Variants in GABBR2 observed in about 807,000 individuals in gnomAD.
The protein encoded by GABBR2 is gamma-aminobutyric acid type B receptor subunit 2.
Under a neutral mutation model 105.6 loss-of-function variants are expected in GABBR2, and 23 were observed. The observed-to-expected ratio is 0.22, with a 90% CI of 0.16 to 0.31. The LOEUF is 0.31. Among genes scored for constraint, GABBR2 ranks in the 10% least tolerant of loss-of-function variants. GABBR2 has a pLI of 1.00. For synonymous variants in GABBR2, 478 were observed against 499.7 expected (o/e 0.96, Z 0.58); for missense variants, 734 against 1,245.5 (o/e 0.59, Z 6.18).
chr9:98,681,978 T>C (rs1830554847), intron 1 of GABBR2, among the ~76,000 whole-genome samples: 1 of 152,134 alleles, frequency 6.6e-6, no homozygotes, highest in Non-Finnish European at 1.5e-5. Flanking sequence ...TCCCAGCACT[T>C]TGTAATCCCA....
At chr9:98,587,709 A>C (rs1008524778) in intron 1 of GABBR2, among the ~76,000 whole-genome samples, 1 of 152,232 alleles carries the variant, frequency 6.6e-6, no homozygotes, top group Non-Finnish European at 1.5e-5. Context: ...ACCATCTAAA[A>C]TTGAAAACTG....
intron 2 of GABBR2, among the ~76,000 whole-genome samples, chr9:98,551,201 G>A (rs145045009): frequency 6.6e-6 from 1 of 152,210 alleles, no homozygotes; most frequent in Non-Finnish European, 1.5e-5. Flanking sequence ...TCGGCAATTT[G>A]TGACCAGCCT....
intron 5 of GABBR2, among the ~76,000 whole-genome samples, chr9:98,480,362 G>C (rs991972090): frequency 1.3e-4 from 20 of 152,062 alleles, no homozygotes; most frequent in Non-Finnish European, 2.6e-4. Context: ...ATGGAGCCTT[G>C]GCTCTGCCAT....
rs1453356380 is a variant in GABBR2 at position 98,525,714 on chromosome 9, A to G, written c.630+16159T>C. Among the ~76,000 whole-genome samples the G allele has an allele frequency of 2.6e-5, 4 of 152,236 alleles. No individual in the cohort carries two copies. The East Asian group carries it at 5.8e-4, about 22-fold the overall frequency. On this transcript the variant is annotated intron_variant, in intron 3 of 18. Transcript: ENST00000259455. Reference sequence around the variant, plus strand: ...CATACATCCCCACAAAAACTTGTACACAATGTTCATGGCACCATTATTCAT... The same window carrying G: ...CATACATCCCCACAAAAACTTGTACGCAATGTTCATGGCACCATTATTCAT...
chr9:98,338,204 T>C (rs776871808), intron 13 of GABBR2, among the ~76,000 whole-genome samples: 1 of 152,176 alleles, frequency 6.6e-6, no homozygotes, highest in Non-Finnish European at 1.5e-5. Context: ...TTCATGAGCT[T>C]GGATCAGACA....
intron 13 of GABBR2, among the ~76,000 whole-genome samples, chr9:98,323,600 A>AGG (rs1830864174): frequency 6.6e-6 from 1 of 152,180 alleles, no homozygotes; most frequent in South Asian, 2.1e-4. Flanking sequence ...GAGCTCCCAG[A>AGG]GGGCCCTGCC....
At chr9:98,560,595 A>G (rs1395553029) in intron 2 of GABBR2, among the ~76,000 whole-genome samples, 6 of 152,092 alleles carry the variant, frequency 3.9e-5, no homozygotes, top group Non-Finnish European at 8.8e-5. Flanking sequence ...AGTACGAGGA[A>G]CATTGTATAG....
chr9:98,473,113 C>A, intron 6 of GABBR2, 33 bp downstream of exon 6: 1 of 1,516,374 alleles, frequency 6.6e-7, no homozygotes, highest in Non-Finnish European at 9.1e-7. Context: ...AGGAGGTGGG[C>A]CAGAAGGTTG....
intron 11 of GABBR2, among the ~76,000 whole-genome samples, chr9:98,380,887 T>C (rs147759344): frequency 2.3e-4 from 35 of 152,286 alleles, no homozygotes; most frequent in African/African-American, 6.7e-4. Flanking sequence ...GGGGTATTCA[T>C]GGTTTCTCAC....
chr9:98,633,412 C>T (rs1468030702), intron 1 of GABBR2, among the ~76,000 whole-genome samples: 1 of 152,114 alleles, frequency 6.6e-6, no homozygotes, highest in African/African-American at 2.4e-5. Flanking sequence ...CACCTGAGGT[C>T]AGGAGTTCAA....
At chr9:98,531,272 G>A (rs1828062652) in intron 3 of GABBR2, among the ~76,000 whole-genome samples, 1 of 152,190 alleles carries the variant, frequency 6.6e-6, no homozygotes, top group Non-Finnish European at 1.5e-5. Context: ...TGTGGAGTGG[G>A]GAGAAGGACT....
chr9:98,435,499 T>C (rs1169422594), intron 7 of GABBR2, among the ~76,000 whole-genome samples: 1 of 152,190 alleles, frequency 6.6e-6, no homozygotes, highest in East Asian at 1.9e-4. Flanking sequence ...GATACCAGCA[T>C]CCCTGCAGGT....
At chr9:98,609,744 C>T (rs550918669) in intron 1 of GABBR2, among the ~76,000 whole-genome samples, 1 of 152,306 alleles carries the variant, frequency 6.6e-6, no homozygotes, top group South Asian at 2.1e-4. Context: ...CTCCAGGCTC[C>T]TTGGGTGCCA....
intron 3 of GABBR2, among the ~76,000 whole-genome samples, chr9:98,502,741 C>G (rs1341141250): frequency 6.6e-6 from 1 of 152,226 alleles, no homozygotes; most frequent in Non-Finnish European, 1.5e-5. Flanking sequence ...AAGGGACCTT[C>G]TCTGACCTCA....
intron 2 of GABBR2, among the ~76,000 whole-genome samples, chr9:98,557,345 C>T (rs1333962893): frequency 4.6e-5 from 7 of 152,178 alleles, no homozygotes; most frequent in Non-Finnish European, 7.4e-5. Context: ...CCTGTACTGT[C>T]ATTGCATCCA....
intron 7 of GABBR2, among the ~76,000 whole-genome samples, chr9:98,418,162 C>T (rs143097540): frequency 6.6e-6 from 1 of 152,100 alleles, no homozygotes; most frequent in East Asian, 1.9e-4. Context: ...GGGGGAAGGA[C>T]TGGAAGCAAG....
intron 3 of GABBR2, among the ~76,000 whole-genome samples, chr9:98,538,918 G>A (rs1290094698): frequency 6.7e-6 from 1 of 149,702 alleles, no homozygotes; most frequent in Non-Finnish European, 1.5e-5. Context: ...TGGGCTGAGA[G>A]ATTTAAATCA....
At chr9:98,703,947 T>TTTTA (rs1185121287) in intron 1 of GABBR2, among the ~76,000 whole-genome samples, 1 of 151,500 alleles carries the variant, frequency 6.6e-6, no homozygotes, top group Non-Finnish European at 1.5e-5. Context: ...AAAGAGTGAT[T>TTTTA]TATATATATA....
At chr9:98,345,263 C>T (rs1451974670) in intron 13 of GABBR2, among the ~76,000 whole-genome samples, 2 of 152,156 alleles carry the variant, frequency 1.3e-5, no homozygotes, top group Admixed American at 1.3e-4. Flanking sequence ...CTGTTCTCAC[C>T]GTGCAGCCAG....
Sources: allele counts gnomAD v4.1 joint callset (sites outside exome capture counted in the v4.1 genomes callset), GRCh38; gene constraint gnomAD v4.1.1; transcripts MANE v1.5; gene names NCBI Gene and HGNC (gene_info 2026-07-23, HGNC 2026-07-21).